SDC1: variants seen among roughly 807,000 people sequenced by gnomAD.
The protein encoded by SDC1 is syndecan-1.
In SDC1, 14 loss-of-function variants were observed where a neutral mutation model predicts 29.7. The observed-to-expected ratio is 0.47, with a 90% CI of 0.31 to 0.74. SDC1 has a LOEUF of 0.74. SDC1 is among the 30% of genes least tolerant of loss of function. The pLI is 0.05. For missense variants in SDC1, 406 were observed against 400.3 expected (o/e 1.01, Z -0.12); for synonymous variants, 204 against 175.5 (o/e 1.16, Z -1.29).
intron 3 of SDC1, 83 bp from the exon 4 acceptor site, chr2:20,203,305 C>T (rs957846840): frequency 6.8e-7 from 1 of 1,468,656 alleles, no homozygotes; most frequent in Non-Finnish European, 9.2e-7. Context: ...CCAGAAGCAG[C>T]TCCTGCCTCC....
rs937279235 is a variant in SDC1, at chr2:20,224,728, G to A, written c.66+74C>T. 2.4e-6 allele frequency: 3 copies of A among 1,237,402 alleles called. No individual in the cohort carries two copies. Among genetic ancestry groups the A allele is most frequent in the Non-Finnish European group, 3.0e-6 (3 of 986,290 alleles). 76.7% of individuals were successfully genotyped at this position (1,237,402 alleles called of 1,614,324 possible). A position where few individuals can be genotyped will look rare whatever the true frequency, so the allele number is the denominator to read the frequency against. The stretch of plus-strand genomic sequence containing the variant: ...CTTCGCTCCCCCTCCCCCTCCACGT[G>A]CACCCGCCGGCATCCGCGGGTGACC... On this transcript the variant is annotated intron_variant, in intron 1 of 4. Transcript: ENST00000254351. This position sits in a 1 kb window ranked among gnomAD's most constrained non-coding sequence, Gnocchi z 4.9.
chr2:20,214,196 A>G (rs1203346196), intron 1 of SDC1, among the ~76,000 whole-genome samples: 1 of 152,200 alleles, frequency 6.6e-6, no homozygotes, highest in Non-Finnish European at 1.5e-5. Flanking sequence ...GAAAGGAGGA[A>G]GAAATTCTCT....
At position 20,204,874 on chromosome 2, in the gene SDC1, A is replaced by G. The variant is rs541314188; in HGVS notation, c.148+469T>C. 3.2e-4 allele frequency among the ~76,000 whole-genome samples: 48 copies of G among 152,162 alleles called. No individual in the cohort carries two copies. In the South Asian group the frequency reaches 8.3e-3, roughly 26 times the overall value. Reference sequence around the variant, plus strand: ...AGGGACTTCTCTCCCCCAGTCCCCCACAGGGAAAGGGGAAGTAAGGAAGGG... The same window carrying G: ...AGGGACTTCTCTCCCCCAGTCCCCCGCAGGGAAAGGGGAAGTAAGGAAGGG... On this transcript the variant is annotated intron_variant, in intron 2 of 4. Coordinates refer to ENST00000254351, the MANE Select transcript of SDC1 (RefSeq NM_002997.5).
chr2:20,203,734 G>A, intron 3 of SDC1, 79 bp downstream of exon 3: 1 of 1,061,920 alleles, frequency 9.4e-7, no homozygotes, highest in South Asian at 1.5e-5. Flanking sequence ...TGCCCGCAGG[G>A]CACAGGTGTA....
chr2:20,204,327 G>A (rs746943789), intron 2 of SDC1, 36 bp from the exon 3 acceptor site: 2 of 1,465,536 alleles, frequency 1.4e-6, no homozygotes, highest in Non-Finnish European at 1.9e-6. Context: ...TGGGGAGGTG[G>A]GGGGTGGGGA....
At chr2:20,211,885 A>G (rs1677477437) in intron 1 of SDC1, among the ~76,000 whole-genome samples, 1 of 152,150 alleles carries the variant, frequency 6.6e-6, no homozygotes, top group Non-Finnish European at 1.5e-5. Context: ...CCTTTCCTTC[A>G]GCCTGGACTG....
intron 1 of SDC1, among the ~76,000 whole-genome samples, chr2:20,209,456 A>G (rs1016879307): frequency 2.0e-5 from 3 of 152,148 alleles, no homozygotes; most frequent in African/African-American, 7.2e-5. Context: ...CCTCAGTGGG[A>G]TGGAGTTTCA....
At position 20,203,975 on chromosome 2, in the gene SDC1, C is replaced by T; in HGVS notation, c.465G>A (p.Arg155=). ...TCTCATGGTGGCCAGGCTGCATGTC[C>T]CTGTGGGGGTGGGAGGTGGCGGGCT... ...AQEPATSHPH[R]DMQPGHHETS... is the part of the protein sequence containing the mutation. Residue 155 remains arginine (R), a synonymous_variant, in exon 3 of 5, where the codon AGG becomes AGA. Coordinates refer to ENST00000254351, the MANE Select transcript of SDC1 (RefSeq NM_002997.5). 1.2e-6 allele frequency: 2 copies of T among 1,613,862 alleles called. No individual in the cohort carries two copies. Among genetic ancestry groups the T allele is most frequent in the Non-Finnish European group, 1.7e-6 (2 of 1,179,982 alleles).
At chr2:20,221,935 G>T (rs1677834830) in intron 1 of SDC1, among the ~76,000 whole-genome samples, 1 of 152,148 alleles carries the variant, frequency 6.6e-6, no homozygotes, top group Admixed American at 6.5e-5. Context: ...TCTCTGCCAG[G>T]CTGTGGGAAA....
At position 20,202,733 on chromosome 2, in the gene SDC1, G is replaced by A. The variant is rs1481902658; in HGVS notation, c.*33C>T. Reference sequence around the variant, plus strand: ...GAAGAGGCAAGTGGGGGCCTAGTGAGTGGCAGGGCGGAGGGGGCGCATGGC... The same window carrying A: ...GAAGAGGCAAGTGGGGGCCTAGTGAATGGCAGGGCGGAGGGGGCGCATGGC... On this transcript the variant is annotated 3_prime_UTR_variant, in exon 5 of 5. Transcript: ENST00000254351. The A allele has an allele frequency of 1.0e-5, 16 of 1,556,390 alleles. No homozygotes were observed. The highest frequency in any genetic ancestry group is 1.4e-5 in the African/African-American group (1 of 73,436).
rs1028664155 is a variant in SDC1 at position 20,202,141 on chromosome 2, C to T, written c.*625G>A. 1.3e-5 allele frequency: 8 copies of T among 595,506 alleles called. No individual in the cohort carries two copies. Among genetic ancestry groups the T allele is most frequent in the Middle Eastern group, 2.6e-4 (1 of 3,910 alleles). 36.9% of individuals were successfully genotyped at this position (595,506 alleles called of 1,614,324 possible). A position where few individuals can be genotyped will look rare whatever the true frequency, so the allele number is the denominator to read the frequency against. ...TCTTCTTAACCCTGATGCTGTCTCC[C>T]GACCATAGATTAGGGAAGCAAGATG... On this transcript the variant is annotated 3_prime_UTR_variant, in exon 5 of 5. Coordinates refer to ENST00000254351, the MANE Select transcript of SDC1 (RefSeq NM_002997.5).
chr2:20,216,557 C>T (rs1167278753), intron 1 of SDC1, among the ~76,000 whole-genome samples: 1 of 152,194 alleles, frequency 6.6e-6, no homozygotes, highest in Non-Finnish European at 1.5e-5. Context: ...CCTTCCAAGG[C>T]CTCGGACAGT....
chr2:20,207,973 C>T, intron 1 of SDC1: 1 of 985,444 alleles, frequency 1.0e-6, no homozygotes, highest in East Asian at 1.1e-4. Context: ...CCTGCCCTCT[C>T]CTGCTGCACC....
At chr2:20,203,277 C>T in intron 3 of SDC1, 55 bp from the exon 4 acceptor site, 3 of 1,556,240 alleles carry the variant, frequency 1.9e-6, no homozygotes, top group Non-Finnish European at 2.6e-6. Context: ...GCAGCAGCAA[C>T]CAGCTCCACT....
Position 20,224,104 on chromosome 2 carries a change from G to T in SDC1, c.66+698C>A. 2 of 385,990 alleles carry T rather than the reference G, an allele frequency of 5.2e-6. No homozygotes were observed. Among genetic ancestry groups the T allele is most frequent in the South Asian group, 3.4e-5 (2 of 58,236 alleles). 23.9% of individuals were successfully genotyped at this position (385,990 alleles called of 1,614,324 possible). On this transcript the variant is annotated intron_variant, in intron 1 of 4. Transcript: ENST00000254351. The surrounding 1 kb of genome is among the most constrained non-coding windows in gnomAD (Gnocchi z 4.9). ...GCCCTCCGGGGCCAGCTCAACTTCA[G>T]CAGCCCAGAAGTTGGGCTCCTCCGG...
At position 20,224,849 on chromosome 2, in the gene SDC1, A is replaced by G; in HGVS notation, c.19T>C (p.Trp7Arg). The G allele has an allele frequency of 7.9e-7, 1 of 1,259,226 alleles. No homozygotes were observed. The highest frequency in any genetic ancestry group is 1.0e-6 in the Non-Finnish European group (1 of 1,003,688). 78.0% of individuals were successfully genotyped at this position (1,259,226 alleles called of 1,614,324 possible). Reference protein sequence around the residue: MRRAALWLWLCALALSL... With the variant: MRRAALRLWLCALALSL... ...AGCGCCAGCGCGCACAGCCAGAGCC[A>G]GAGCGCCGCGCGCCTCATGCTGCCC... is the stretch of plus-strand genomic sequence containing the variant. Residue 7 changes from tryptophan (W) to arginine (R), a missense_variant, in exon 1 of 5, where the codon TGG becomes CGG. Trp to Arg is a moderately radical substitution (Grantham distance 101). Transcript: ENST00000254351. This position sits in a 1 kb window ranked among gnomAD's most constrained non-coding sequence, Gnocchi z 4.9.
Position 20,201,696 on chromosome 2 carries a change from CAA to C in SDC1, c.*1068_*1069del, listed in dbSNP as rs949984227. 1 of 152,792 alleles carries C rather than the reference CAA, an allele frequency of 6.5e-6. No homozygotes were observed. Among genetic ancestry groups the C allele is most frequent in the East Asian group, 1.9e-4 (1 of 5,188 alleles). 9.5% of individuals were successfully genotyped at this position (152,792 alleles called of 1,614,324 possible). A position where few individuals can be genotyped will look rare whatever the true frequency, so the allele number is the denominator to read the frequency against. On this transcript the variant is annotated 3_prime_UTR_variant, in exon 5 of 5. Coordinates refer to ENST00000254351, the MANE Select transcript of SDC1 (RefSeq NM_002997.5). Reference sequence around the variant, plus strand: ...GGAGGCGCTCAGAGCCAGCTCTGCCCAAGACACCCCTCGTCAATTTCCAGGAG... The same window carrying C: ...GGAGGCGCTCAGAGCCAGCTCTGCCCGACACCCCTCGTCAATTTCCAGGAG...
intron 1 of SDC1, among the ~76,000 whole-genome samples, chr2:20,215,466 T>G (rs1296876532): frequency 6.6e-6 from 1 of 152,210 alleles, no homozygotes; most frequent in Non-Finnish European, 1.5e-5. Context: ...AAAGCCATGT[T>G]TGCAGGCCCT....
At chr2:20,206,225 G>A (rs987583573) in intron 1 of SDC1, among the ~76,000 whole-genome samples, 4 of 152,258 alleles carry the variant, frequency 2.6e-5, no homozygotes, top group Admixed American at 6.5e-5. Context: ...CAAGAAGTGG[G>A]CTGTGGGCCT....
Sources: allele counts gnomAD v4.1 joint callset (sites outside exome capture counted in the v4.1 genomes callset), GRCh38; gene constraint gnomAD v4.1.1; non-coding constraint Gnocchi (gnomAD v3.1); transcripts MANE v1.5; gene names NCBI Gene and HGNC (gene_info 2026-07-23, HGNC 2026-07-21).